Variants in RIPK3 observed in about 807,000 individuals in gnomAD.
The protein encoded by RIPK3 is receptor interacting serine/threonine kinase 3.
A neutral mutation model predicts 51.6 loss-of-function variants in RIPK3; 51 were observed. The ratio of observed to expected loss-of-function variants is 0.99; its 90% confidence interval spans 0.79 to 1.25. The LOEUF is 1.25. RIPK3 is among the 50% of genes most tolerant of loss of function. The probability of loss-of-function intolerance (pLI) is 0.00; values close to 1 mark genes in which losing one functional copy is unlikely to be tolerated. For synonymous variants in RIPK3, 246 were observed against 257.7 expected (o/e 0.95, Z 0.44); for missense variants, 654 against 650.4 (o/e 1.01, Z -0.06).
chr14:24,338,968 G>T, intron 3 of RIPK3, 47 bp downstream of exon 3: 3 of 1,506,394 alleles, frequency 2.0e-6, no homozygotes, highest in Non-Finnish European at 2.8e-6. Context: ...GGCTGGAGCA[G>T]CTCTGGGGCC....
rs1258166976 is a variant in RIPK3 at position 24,339,932 on chromosome 14, C to T, written c.-106G>A. The T allele has an allele frequency of 8.8e-6, 11 of 1,248,462 alleles. No homozygotes were observed. The highest frequency in any genetic ancestry group is 1.5e-5 in the South Asian group (1 of 67,978). The allele number at this position is 1,248,462 out of a possible 1,614,324, so 77.3% of individuals were successfully genotyped here. A position where few individuals can be genotyped will look rare whatever the true frequency, so the allele number is the denominator to read the frequency against. ...AGAGAGGGGAAGGGGTCTGTCTGTGCAGGGGTCAGTCTCTAGACCAAGACG... is the reference window on the plus strand; with the variant it reads ...AGAGAGGGGAAGGGGTCTGTCTGTGTAGGGGTCAGTCTCTAGACCAAGACG... On this transcript the variant is annotated 5_prime_UTR_variant, in exon 1 of 10. Transcript: ENST00000216274. This position sits in a 1 kb window ranked among gnomAD's most constrained non-coding sequence, Gnocchi z 4.0.
In RIPK3 at chr14:24,337,952, C is replaced by T. The variant is rs267603967; in HGVS notation, c.753G>A (p.Glu251=). ...SLAELPQAGP[E]TPGLEGLKEL... ...CCTTCAGTCCTTCTAAGCCGGGAGT[C>T]TCAGGCCCGGCTTGGGGCAGCTCAG... Residue 251 remains glutamate (E), a synonymous_variant, in exon 6 of 10, where the codon GAG becomes GAA. Coordinates refer to ENST00000216274, the MANE Select transcript of RIPK3 (RefSeq NM_006871.4). 2 of 1,614,234 alleles carry T rather than the reference C, an allele frequency of 1.2e-6. No individual in the cohort carries two copies. Among genetic ancestry groups the T allele is most frequent in the Non-Finnish European group, 1.7e-6 (2 of 1,180,034 alleles).
chr14:24,336,827 G>C, intron 9 of RIPK3, 58 bp downstream of exon 9: 2 of 1,423,496 alleles, frequency 1.4e-6, no homozygotes, highest in South Asian at 2.3e-5. Context: ...TATAGGTCTG[G>C]AGGAGGAGTC....
rs756762219 is a variant in RIPK3, at chr14:24,336,200, C to T, written c.1532G>A (p.Gly511Asp). 4 of 1,613,782 alleles carry T rather than the reference C, an allele frequency of 2.5e-6. No homozygotes were observed. The highest frequency in any genetic ancestry group is 2.7e-5 in the African/African-American group (2 of 74,918). The part of the protein sequence containing the change: ...KDPEAWSRPQ[G>D]WYNHSGK ...TTATTTCCCGCTATGATTATACCAA[C>T]CCTGTGGCCTGCTCCAGGCTTCAGG... is the stretch of plus-strand genomic sequence containing the variant. Residue 511 changes from glycine (G) to aspartate (D), a missense_variant, in exon 10 of 10, where the codon GGT becomes GAT. Physicochemically the swap from Gly to Asp is moderately conservative, Grantham distance 94. Transcript: ENST00000216274.
At position 24,338,608 on chromosome 14, in the gene RIPK3, G is replaced by A. The variant is rs372641645; in HGVS notation, c.472-41C>T. On this transcript the variant is annotated intron_variant, in intron 3 of 9. Coordinates refer to ENST00000216274, the MANE Select transcript of RIPK3 (RefSeq NM_006871.4). ...AGAAGTGGGAGGTAGGGAAGACAAG[G>A]GGGCCAGAGAGCCTCCAGGAACCCC... 6.4e-6 allele frequency: 10 copies of A among 1,570,618 alleles called. No homozygotes were observed. The Admixed American group carries it at 1.1e-4, about 17-fold the overall frequency.
chr14:24,336,798 A>C lies in RIPK3; in HGVS notation c.1336+87T>G, dbSNP rs745938025. 4.1e-6 allele frequency: 5 copies of C among 1,233,798 alleles called. No individual in the cohort carries two copies. In the African/African-American group the frequency reaches 7.4e-5, roughly 18 times the overall value. The allele number at this position is 1,233,798 out of a possible 1,614,324, so 76.4% of individuals were successfully genotyped here. A position where few individuals can be genotyped will look rare whatever the true frequency, so the allele number is the denominator to read the frequency against. On this transcript the variant is annotated intron_variant, in intron 9 of 9. Transcript: ENST00000216274. ...GATCATCTTCTCCCCTCCCCTCCACAAAGTACCCTGAATCTAGATATAGGT... is the reference window on the plus strand; with the variant it reads ...GATCATCTTCTCCCCTCCCCTCCACCAAGTACCCTGAATCTAGATATAGGT...
At chr14:24,337,488 T>C (rs2042148108) in intron 7 of RIPK3, 28 bp from the exon 8 acceptor site, 1 of 1,610,762 alleles carries the variant, frequency 6.2e-7, no homozygotes, top group Non-Finnish European at 8.5e-7. Context: ...GTTTGCTGGG[T>C]ATGACTTGGA....
In RIPK3 at chr14:24,337,744, T is replaced by C; in HGVS notation, c.851A>G (p.Asp284Gly). 1 of 1,613,938 alleles carries C rather than the reference T, an allele frequency of 6.2e-7. No individual in the cohort carries two copies. The highest frequency in any genetic ancestry group is 8.5e-7 in the Non-Finnish European group (1 of 1,179,898). ...GTTCTCCACCATCTGGAAGACTTCA[T>C]CAGTTTTTGGTAGGCATTCTAGAGG... ...PSFQECLPKT[D>G]EVFQMVENNM... Residue 284 changes from aspartate (D) to glycine (G), a missense_variant, in exon 7 of 10, where the codon GAT becomes GGT. Asp to Gly is a moderately conservative substitution (Grantham distance 94). Coordinates refer to ENST00000216274, the MANE Select transcript of RIPK3 (RefSeq NM_006871.4).
Position 24,336,074 on chromosome 14 carries a change from G to A in RIPK3, c.*101C>T, listed in dbSNP as rs1199837089. On this transcript the variant is annotated 3_prime_UTR_variant, in exon 10 of 10. Transcript: ENST00000216274. Reference sequence around the variant, plus strand: ...TCCTGGGGGACAGGTCACAAAGTCAGTTTGTGGGCAGGCCAGACTGCCCTA... The same window carrying A: ...TCCTGGGGGACAGGTCACAAAGTCAATTTGTGGGCAGGCCAGACTGCCCTA... The A allele has an allele frequency of 8.2e-7, 1 of 1,222,932 alleles. No individual in the cohort carries two copies. Among genetic ancestry groups the A allele is most frequent in the East Asian group, 2.4e-5 (1 of 41,336 alleles). 75.8% of individuals were successfully genotyped at this position (1,222,932 alleles called of 1,614,324 possible).
intron 8 of RIPK3, 66 bp from the exon 9 acceptor site, chr14:24,337,011 C>A: frequency 1.9e-6 from 3 of 1,605,646 alleles, no homozygotes; most frequent in East Asian, 4.5e-5. Flanking sequence ...CTCCTCTCAG[C>A]CCCAAGTTTT....
intron 9 of RIPK3, 117 bp downstream of exon 9, chr14:24,336,768 A>G: frequency 1.0e-6 from 1 of 980,654 alleles, no homozygotes; most frequent in Non-Finnish European, 1.7e-6. Context: ...GAGAAGGTTG[A>G]GTTAGATCAT....
Position 24,339,451 on chromosome 14 carries a change from A to T in RIPK3, c.161+6T>A. 1 of 1,614,092 alleles carries T rather than the reference A, an allele frequency of 6.2e-7. No individual in the cohort carries two copies. The highest frequency in any genetic ancestry group is 2.2e-5 in the East Asian group (1 of 44,870). On this transcript the variant is annotated splice_donor_region_variant and intron_variant, in intron 2 of 9. Transcript: ENST00000216274. The surrounding 1 kb of genome is among the most constrained non-coding windows in gnomAD (Gnocchi z 4.0). ...ATTGCGGCTGGGGTCAACCGGGGTC[A>T]CTCACGAGTTTACGATCTTGACCGC...
Position 24,339,520 on chromosome 14 carries a change from C to T in RIPK3, c.98G>A (p.Gly33Asp). Residue 33 changes from glycine (G) to aspartate (D), a missense_variant, in exon 2 of 10, where the codon GGC (glycine) becomes GAC (aspartate). Physicochemically the swap from Gly to Asp is moderately conservative, Grantham distance 94. Coordinates refer to ENST00000216274, the MANE Select transcript of RIPK3 (RefSeq NM_006871.4). This position sits in a 1 kb window ranked among gnomAD's most constrained non-coding sequence, Gnocchi z 4.0. ...NQELVGKGGF[G>D]TVFRAQHRKW... The stretch of plus-strand genomic sequence containing the variant: ...CCTATGTTGCGCCCGGAACACTGTG[C>T]CGAACCCGCCTTTGCCGACGAGCTC... 1 of 1,614,212 alleles carries T rather than the reference C, an allele frequency of 6.2e-7. No individual in the cohort carries two copies.
intron 4 of RIPK3, 58 bp from the exon 5 acceptor site, chr14:24,338,353 A>G: frequency 6.4e-7 from 1 of 1,555,440 alleles, no homozygotes; most frequent in South Asian, 1.2e-5. Flanking sequence ...CCTTTCCTAT[A>G]CATCATCCCC....
In RIPK3 at chr14:24,338,588, T is replaced by A. The variant is rs200182449; in HGVS notation, c.472-21A>T. On this transcript the variant is annotated intron_variant, in intron 3 of 9. Coordinates refer to ENST00000216274, the MANE Select transcript of RIPK3 (RefSeq NM_006871.4). Reference sequence around the variant, plus strand: ...GCCAGCTGCAAAGGAAGGAAAGAAGTGGGAGGTAGGGAAGACAAGGGGGCC... The same window carrying A: ...GCCAGCTGCAAAGGAAGGAAAGAAGAGGGAGGTAGGGAAGACAAGGGGGCC... 29 of 1,586,510 alleles carry A rather than the reference T, an allele frequency of 1.8e-5. No individual in the cohort carries two copies. The African/African-American group carries it at 3.8e-4, about 21-fold the overall frequency.
chr14:24,337,825 GC>G, intron 6 of RIPK3, 47 bp downstream of exon 6: 1 of 1,613,158 alleles, frequency 6.2e-7, no homozygotes, highest in Non-Finnish European at 8.5e-7. Context: ...AAAGCCCCCT[GC>G]TGACAGACCC....
At position 24,337,319 on chromosome 14, in the gene RIPK3, A is replaced by G. The variant is rs114970740; in HGVS notation, c.1042T>C (p.Trp348Arg). The G allele has an allele frequency of 1.4e-4, 231 of 1,614,044 alleles. No individual in the cohort carries two copies. In the East Asian group the frequency reaches 5.0e-3, roughly 35 times the overall value. ...TCCTCTAGATTCAGTTTGTTTAGCC[A>G]CTCAGAAACCATGACATCATTACGA... The part of the protein sequence containing the change: ...HSRNDVMVSE[W>R]LNKLNLEEPP... The change falls in exon 8 of 10, where the codon TGG becomes CGG. Residue 348 changes from tryptophan (W) to arginine (R), a missense_variant. By Grantham distance (101) the Trp-to-Arg change is moderately radical (BLOSUM62 -3). Coordinates refer to ENST00000216274, the MANE Select transcript of RIPK3 (RefSeq NM_006871.4).
At chr14:24,336,423 G>T in intron 9 of RIPK3, 28 bp from the exon 10 acceptor site, 1 of 1,604,850 alleles carries the variant, frequency 6.2e-7, no homozygotes, top group South Asian at 1.1e-5. Flanking sequence ...ATGGTGGCAG[G>T]AGGGTTTAGC....
chr14:24,337,768 G>A lies in RIPK3; in HGVS notation c.833-6C>T. ...ATCAGTTTTTGGTAGGCATTCTAGA[G>A]GGACAGCAGAGTGGAGTGCAGGTGA... On this transcript the variant is annotated splice_region_variant and splice_polypyrimidine_tract_variant and intron_variant, in intron 6 of 9. Coordinates refer to ENST00000216274, the MANE Select transcript of RIPK3 (RefSeq NM_006871.4). 6.2e-7 allele frequency: 1 copy of A among 1,613,968 alleles called. No homozygotes were observed. Among genetic ancestry groups the A allele is most frequent in the Non-Finnish European group, 8.5e-7 (1 of 1,179,920 alleles).
Sources: gnomAD v4.1 joint callset for allele counts on GRCh38, gnomAD v4.1.1 for gene constraint, Gnocchi (gnomAD v3.1) non-coding constraint, MANE v1.5 for transcripts, NCBI Gene and HGNC (gene_info 2026-07-23, HGNC 2026-07-21) for gene names.